EEF2: variants seen among roughly 807,000 people sequenced by gnomAD.
EEF2 encodes the protein eukaryotic translation elongation factor 2, also known as elongation factor 2.
In EEF2, 21 loss-of-function variants were observed where a neutral mutation model predicts 85.3. The ratio of observed to expected loss-of-function variants is 0.25; its 90% CI spans 0.17 to 0.35. The LOEUF (loss-of-function observed/expected upper bound fraction) is 0.35. Among genes scored for constraint, EEF2 ranks in the 10% least tolerant of loss-of-function variants. The pLI, the probability that EEF2 is intolerant of heterozygous loss-of-function variation, is 1.00. For synonymous variants in EEF2, 723 were observed against 508.8 expected (o/e 1.42, Z -5.67); for missense variants, 825 against 1,225.3 (o/e 0.67, Z 4.88).
chr19:3,982,932 C>A lies in EEF2; in HGVS notation c.487G>T (p.Ala163Ser). Residue 163 changes from alanine to serine, a missense_variant, in exon 4 of 15, where the codon GCC becomes TCC. Physicochemically the swap from Ala to Ser is moderately conservative, Grantham distance 99. Coordinates refer to ENST00000309311, the MANE Select transcript of EEF2 (RefSeq NM_001961.4). ...GGCTCCAGCTGCAGCTCCAGCAGGG[C>A]GCGGTCCATCTTGTTCATCATCAGC... ...PVLMMNKMDR[A>S]LLELQLEPEE... 2 of 1,613,346 alleles carry A rather than the reference C, an allele frequency of 1.2e-6. No homozygotes were observed. Among genetic ancestry groups the A allele is most frequent in the Non-Finnish European group, 1.7e-6 (2 of 1,179,962 alleles).
chr19:3,982,196 C>A (rs748742255), intron 5 of EEF2, 50 bp downstream of exon 5: 2 of 1,608,088 alleles, frequency 1.2e-6, no homozygotes, highest in Non-Finnish European at 1.7e-6. Context: ...TACGTCGCTG[C>A]CACTACCCCC....
At position 3,980,872 on chromosome 19, in the gene EEF2, G is replaced by C; in HGVS notation, c.1119C>G (p.Tyr373Ter). 1 of 1,563,484 alleles carries C rather than the reference G, an allele frequency of 6.4e-7. No homozygotes were observed. Among genetic ancestry groups the C allele is most frequent in the Middle Eastern group, 1.7e-4 (1 of 5,992 alleles). ...CAGCCTCGTCGTCCGGGGGCCCCTC[G>C]TACAGGAGCTCGCAGCGGTACTTCT... ...TAQKYRCELL[Y>*]EGPPDDEAAM... The change falls in exon 8 of 15, where the codon TAC becomes TAG. Residue 373 changes from tyrosine (Y) to a stop codon, truncating the protein, a stop_gained. Coordinates refer to ENST00000309311, the MANE Select transcript of EEF2 (RefSeq NM_001961.4). LOFTEE classifies it high-confidence loss of function.
rs559359481 is a variant in EEF2 at position 3,982,235 on chromosome 19, G to A, written c.791+11C>T. Reference sequence around the variant, plus strand: ...TGTCAGGAATCCCCCACCATATCCCGCGGGGCTCACCTGTCACCCCACAGC... The same window carrying A: ...TGTCAGGAATCCCCCACCATATCCCACGGGGCTCACCTGTCACCCCACAGC... On this transcript the variant is annotated intron_variant, in intron 5 of 14. Coordinates refer to ENST00000309311, the MANE Select transcript of EEF2 (RefSeq NM_001961.4). 2.5e-5 allele frequency: 40 copies of A among 1,613,470 alleles called. No individual in the cohort carries two copies. Among genetic ancestry groups the A allele is most frequent in the East Asian group, 2.2e-4 (10 of 44,868 alleles).
chr19:3,981,092 C>CA, intron 7 of EEF2, 113 bp from the exon 8 acceptor site: 1 of 1,453,626 alleles, frequency 6.9e-7, no homozygotes, highest in Non-Finnish European at 9.1e-7. Context: ...TAACGTTCTC[C>CA]AAAGCACAGT....
intron 11 of EEF2, 72 bp from the exon 12 acceptor site, chr19:3,978,244 A>T: frequency 7.5e-7 from 1 of 1,325,052 alleles, no homozygotes; most frequent in Non-Finnish European, 1.0e-6. Flanking sequence ...CATCCTTAAA[A>T]GCTTTTCCTA....
In EEF2 at chr19:3,982,821, T is replaced by G; in HGVS notation, c.598A>C (p.Met200Leu). ...GAGGGCCGTACCATGATGTTGCCCA[T>G]GGGGCCGCTCTCGCCCTCGCCGTAG... ...STYGEGESGP[M>L]GNIMIDPVLG... is the part of the protein sequence containing the mutation. Residue 200 changes from methionine to leucine, a missense_variant, in exon 4 of 15, where the codon ATG becomes CTG. Coordinates refer to ENST00000309311, the MANE Select transcript of EEF2 (RefSeq NM_001961.4). 1 of 1,611,566 alleles carries G rather than the reference T, an allele frequency of 6.2e-7. No individual in the cohort carries two copies. The highest frequency in any genetic ancestry group is 8.5e-7 in the Non-Finnish European group (1 of 1,179,386).
At position 3,983,030 on chromosome 19, in the gene EEF2, G is replaced by A. The variant is rs202156613; in HGVS notation, c.401-12C>T. ...CTGCACGCACACGCCTGGGGACACG[G>A]GGGACAGGGCGGCGCTGTCATCCTC... On this transcript the variant is annotated splice_polypyrimidine_tract_variant and intron_variant, in intron 3 of 14. Coordinates refer to ENST00000309311, the MANE Select transcript of EEF2 (RefSeq NM_001961.4). The A allele has an allele frequency of 1.8e-4, 294 of 1,612,832 alleles. 2 individuals are homozygous for A. The highest frequency in any genetic ancestry group is 1.6e-4 in the Non-Finnish European group (188 of 1,179,798).
chr19:3,976,780 T>C, intron 14 of EEF2, 33 bp from the exon 15 acceptor site: 2 of 1,500,080 alleles, frequency 1.3e-6, no homozygotes, highest in Admixed American at 2.3e-5. Context: ...CACTGGGCCA[T>C]CGAGAAGGTG....
rs1382873930 is a variant in EEF2 at position 3,976,439 on chromosome 19, C to G, written c.*115G>C. ...GGCACGCAGCGGGCCCCAGAAACCTCTCAGGGGAGCGTCGCTGTGTCGGGA... is the reference window on the plus strand; with the variant it reads ...GGCACGCAGCGGGCCCCAGAAACCTGTCAGGGGAGCGTCGCTGTGTCGGGA... On this transcript the variant is annotated 3_prime_UTR_variant, in exon 15 of 15. Transcript: ENST00000309311. 3 of 1,252,388 alleles carry G rather than the reference C, an allele frequency of 2.4e-6. No homozygotes were observed. The highest frequency in any genetic ancestry group is 1.5e-5 in the African/African-American group (1 of 66,612). 77.6% of individuals were successfully genotyped at this position (1,252,388 alleles called of 1,614,324 possible).
At chr19:3,984,110 G>A (rs374331272) in intron 2 of EEF2, 26 bp downstream of exon 2, 18 of 1,606,974 alleles carry the variant, frequency 1.1e-5, no homozygotes, top group Non-Finnish European at 1.4e-5. Context: ...CTCCCTGCCT[G>A]GGTACAGAGG....
At position 3,979,847 on chromosome 19, in the gene EEF2, C is replaced by T. The variant is rs1313151003; in HGVS notation, c.1566G>A (p.Glu522=). ...KNPADLPKLV[E]GLKRLAKSDP... ...CGGACTTGGCCAGCCGCTTCAGCCC[C>T]TCCACCAGCTTGGGCAGGTCAGCCG... The change falls in exon 10 of 15, where the codon GAG becomes GAA. Residue 522 remains glutamate (E), a synonymous_variant. Transcript: ENST00000309311. 1.2e-6 allele frequency: 2 copies of T among 1,613,804 alleles called. No homozygotes were observed. Among genetic ancestry groups the T allele is most frequent in the South Asian group, 1.1e-5 (1 of 91,088 alleles).
rs1462805973 is a variant in EEF2 at position 3,984,192 on chromosome 19, T to C, written c.162A>G (p.Thr54=). Residue 54 remains threonine, a synonymous_variant, in exon 2 of 15, where the codon ACA becomes ACG. Transcript: ENST00000309311. ...GIIASARAGE[T]RFTDTRKDEQ... is the part of the protein sequence containing the mutation. ...CGTCCTTCCGGGTATCAGTGAAGCG[T>C]GTCTCCCCGGCCCGGGCCGAGGCGA... 6 of 1,614,030 alleles carry C rather than the reference T, an allele frequency of 3.7e-6. No homozygotes were observed. The highest frequency in any genetic ancestry group is 1.7e-5 in the Admixed American group (1 of 60,032).
Position 3,976,335 on chromosome 19 carries a change from TA to T in EEF2, c.*218del. 1 of 316,568 alleles carries T rather than the reference TA, an allele frequency of 3.2e-6. No homozygotes were observed. Among genetic ancestry groups the T allele is most frequent in the Non-Finnish European group, 6.1e-6 (1 of 164,884 alleles). The allele number at this position is 316,568 out of a possible 1,614,324, so 19.6% of individuals were successfully genotyped here. ...CCCGACCGGCCCATTAAGTCCCTAC[TA>T]AGAGGGCGTGTCTGCTGCCTCCGGA... is the stretch of plus-strand genomic sequence containing the variant. On this transcript the variant is annotated 3_prime_UTR_variant, in exon 15 of 15. Transcript: ENST00000309311.
Position 3,978,074 on chromosome 19 carries a change from C to G in EEF2, c.1812G>C (p.Met604Ile). The change falls in exon 12 of 15, where the codon ATG becomes ATC. Residue 604 changes from methionine to isoleucine, a missense_variant. Coordinates refer to ENST00000309311, the MANE Select transcript of EEF2 (RefSeq NM_001961.4). ...KSPNKHNRLY[M>I]KARPFPDGLA... ...GGCCGTCGGGGAAGGGCCGCGCCTT[C>G]ATGTACAGCCGGTTGTGCTTGTTGG... The G allele has an allele frequency of 6.4e-7, 1 of 1,563,490 alleles. No homozygotes were observed. The highest frequency in any genetic ancestry group is 8.7e-7 in the Non-Finnish European group (1 of 1,149,510).
At chr19:3,983,440 C>T in intron 2 of EEF2, 149 bp from the exon 3 acceptor site, 3 of 859,094 alleles carry the variant, frequency 3.5e-6, no homozygotes, top group Non-Finnish European at 5.3e-6. Flanking sequence ...TGTCCTTTGC[C>T]TCTGTCCGAG....
At chr19:3,981,045 C>A (rs2039739768) in intron 7 of EEF2, 66 bp from the exon 8 acceptor site, 7 of 1,516,400 alleles carry the variant, frequency 4.6e-6, no homozygotes, top group Non-Finnish European at 6.2e-6. Context: ...CCCGTACACG[C>A]TTCCTCTCTT....
intron 11 of EEF2, 134 bp from the exon 12 acceptor site, chr19:3,978,306 G>T: frequency 1.4e-6 from 1 of 729,156 alleles, no homozygotes; most frequent in South Asian, 2.6e-5. Flanking sequence ...AGAACGAAGC[G>T]GAGTCAGTGT....
intron 1 of EEF2, 104 bp downstream of exon 1, chr19:3,985,274 G>A (rs1311049207): frequency 8.7e-6 from 11 of 1,257,944 alleles, no homozygotes; most frequent in Admixed American, 4.1e-5. Context: ...CCGCCGCTAC[G>A]TCTCCTCCTG....
At position 3,980,865 on chromosome 19, in the gene EEF2, G is replaced by A. The variant is rs868686821; in HGVS notation, c.1126C>T (p.Pro376Ser). The change falls in exon 8 of 15, where the codon CCC (proline) becomes TCC (serine). Residue 376 changes from proline to serine, a missense_variant. Pro to Ser is a moderately conservative substitution (Grantham distance 74, BLOSUM62 -1). Coordinates refer to ENST00000309311, the MANE Select transcript of EEF2 (RefSeq NM_001961.4). ...KYRCELLYEG[P>S]PDDEAAMGIK... ...CCCATGGCAGCCTCGTCGTCCGGGG[G>A]CCCCTCGTACAGGAGCTCGCAGCGG... The A allele has an allele frequency of 1.3e-6, 2 of 1,563,440 alleles. No homozygotes were observed. Among genetic ancestry groups the A allele is most frequent in the Non-Finnish European group, 1.7e-6 (2 of 1,155,512 alleles).
Sources: allele counts gnomAD v4.1 joint callset, GRCh38; gene constraint gnomAD v4.1.1; transcripts MANE v1.5; gene names NCBI Gene and HGNC (gene_info 2026-07-23, HGNC 2026-07-21).